The following PCDH15 variants were observed in gnomAD, a reference collection of about 807,000 sequenced individuals.
The protein encoded by PCDH15 is protocadherin related 15, also known as protocadherin-15.
PCDH15 carries 129 observed loss-of-function variants against 178.5 expected under a neutral mutation model. That is an observed-to-expected ratio of 0.72 (90% confidence interval 0.63 to 0.84). The LOEUF (loss-of-function observed/expected upper bound fraction) is 0.84, where lower values mean the gene tolerates loss of function less well. Ranked by LOEUF, PCDH15 falls within the 40% of genes least tolerant of loss-of-function variation. The probability of loss-of-function intolerance (pLI) is 0.00; values close to 1 mark genes in which losing one functional copy is unlikely to be tolerated. For missense variants in PCDH15, 2,230 were observed against 2,099.9 expected, an observed-to-expected ratio of 1.06 and a Z score of -1.21; for synonymous variants, 800 against 732.0, an observed-to-expected ratio of 1.09 and a Z score of -1.50.
intron 18 of PCDH15, among the ~76,000 whole-genome samples, chr10:54,047,674 G>A (rs1265473389): frequency 6.6e-6 from 1 of 151,810 alleles, no homozygotes; most frequent in Non-Finnish European, 1.5e-5. Context: ...GTGGTATTCG[G>A]TTTTCTGTCC....
intron 2 of PCDH15, among the ~76,000 whole-genome samples, chr10:55,533,067 TA>T (rs35937140): frequency 2.0e-5 from 3 of 151,780 alleles, no homozygotes; most frequent in Non-Finnish European, 2.9e-5. Context: ...TTTCAAAAAG[TA>T]AAACGTCCCT....
chr10:53,903,294 G>T lies in PCDH15; in HGVS notation c.3450C>A (p.Ile1150=), dbSNP rs146374856. 705 of 1,612,960 alleles carry T rather than the reference G, an allele frequency of 4.4e-4. 2 individuals carry two copies. Among genetic ancestry groups the T allele is most frequent in the Non-Finnish European group, 4.7e-4 (556 of 1,179,372 alleles). Residue 1150 remains isoleucine, a synonymous_variant, in exon 26 of 38, where the codon ATC becomes ATA. Coordinates refer to ENST00000644397, the MANE Select transcript of PCDH15 (RefSeq NM_001384140.1). ...TTCTTGCATCTTCAGATACACCTCC[G>T]ATGTAGAATTTTTTCTGAAACACTG... ...HPPVFQKKFY[I]GGVSEDARMF...
intron 1 of PCDH15, among the ~76,000 whole-genome samples, chr10:54,799,460 G>A (rs1952410529): frequency 6.6e-6 from 1 of 152,044 alleles, no homozygotes. Flanking sequence ...CCTAGAAAAT[G>A]AAATGTTTTA....
chr10:54,302,621 A>C (rs2060208643), intron 8 of PCDH15, among the ~76,000 whole-genome samples: 2 of 152,154 alleles, frequency 1.3e-5, no homozygotes, highest in Non-Finnish European at 2.9e-5. Flanking sequence ...GCCAACCTCC[A>C]GAACTGTCAG....
At chr10:55,222,730 C>T (rs867584576) in intron 1 of PCDH15, among the ~76,000 whole-genome samples, 38 of 121,148 alleles carry the variant, frequency 3.1e-4, no homozygotes, top group Admixed American at 4.9e-4. Context: ...CACACACACA[C>T]ATATATATAT....
At chr10:55,305,071 A>G (rs1017816941) in intron 1 of PCDH15, among the ~76,000 whole-genome samples, 5 of 152,184 alleles carry the variant, frequency 3.3e-5, no homozygotes. Flanking sequence ...CTGCTTCCAT[A>G]TTCCATCCAG....
At chr10:54,699,866 C>T (rs1190201292) in intron 1 of PCDH15, among the ~76,000 whole-genome samples, 1 of 151,912 alleles carries the variant, frequency 6.6e-6, no homozygotes, top group Non-Finnish European at 1.5e-5. Flanking sequence ...GTAAGTTATG[C>T]ATTGCATAGG....
intron 1 of PCDH15, among the ~76,000 whole-genome samples, chr10:55,274,274 G>A (rs961165902): frequency 1.1e-4 from 16 of 152,060 alleles, no homozygotes; most frequent in Non-Finnish European, 2.2e-4. Context: ...TATGATGCAT[G>A]GAATTAGCAG....
At chr10:53,969,501 C>T (rs2089434272) in intron 21 of PCDH15, among the ~76,000 whole-genome samples, 2 of 152,084 alleles carry the variant, frequency 1.3e-5, no homozygotes, top group Admixed American at 6.5e-5. Flanking sequence ...TCAGGAAATA[C>T]AGAGAACGCC....
chr10:54,008,379 G>A lies in PCDH15; in HGVS notation c.2751+11813C>T, dbSNP rs529602413. Among the ~76,000 whole-genome samples the A allele has an allele frequency of 6.6e-5, 10 of 152,198 alleles. No individual in the cohort carries two copies. The South Asian group carries it at 1.9e-3, about 28-fold the overall frequency. On this transcript the variant is annotated intron_variant, in intron 20 of 37. Transcript: ENST00000644397. ...ATCTTCCAGCTGCTGATGTAGAAGC[G>A]TTAAGTAATACCCCCATATTGAAAT...
At chr10:54,532,127 C>A (rs1257262693) in intron 2 of PCDH15, among the ~76,000 whole-genome samples, 1 of 152,146 alleles carries the variant, frequency 6.6e-6, no homozygotes, top group Non-Finnish European at 1.5e-5. Flanking sequence ...GCTTTCCTTA[C>A]AATCAATCTT....
At chr10:53,912,166 C>T (rs1294727984) in intron 25 of PCDH15, among the ~76,000 whole-genome samples, 3 of 152,108 alleles carry the variant, frequency 2.0e-5, no homozygotes, top group Non-Finnish European at 4.4e-5. Context: ...AAACGTAATC[C>T]ATCACATAAA....
rs947440979 is a variant in PCDH15, at chr10:54,516,344, C to T, written c.157+11468G>A. Reference sequence around the variant, plus strand: ...TTAGATGAATGTATAACTAGAATAACAAATGCAGAGAAGTGCTTAAAGGAG... The same window carrying T: ...TTAGATGAATGTATAACTAGAATAATAAATGCAGAGAAGTGCTTAAAGGAG... On this transcript the variant is annotated intron_variant, in intron 3 of 37. Coordinates refer to ENST00000644397, the MANE Select transcript of PCDH15 (RefSeq NM_001384140.1). 8.6e-5 allele frequency among the ~76,000 whole-genome samples: 13 copies of T among 151,984 alleles called. No individual in the cohort carries two copies. The East Asian group carries it at 2.5e-3, about 29-fold the overall frequency.
At chr10:54,549,306 C>G (rs544475556) in intron 2 of PCDH15, among the ~76,000 whole-genome samples, 5 of 151,800 alleles carry the variant, frequency 3.3e-5, no homozygotes, top group Admixed American at 3.3e-4. Context: ...GAAGTTAAGG[C>G]TATAAATTGC....
rs1421361624 is a variant in PCDH15, at chr10:53,822,373, AAGGAGGAGAGGG to A, written c.4368-2155_4368-2144del. The stretch of plus-strand genomic sequence containing the variant: ...GGAGGAGGAAGAGGAAGAGGGATAG[AAGGAGGAGAGGG>A]AGGAGGACAAAAAAGAGAAAAAGGA... On this transcript the variant is annotated intron_variant, in intron 32 of 37. Coordinates refer to ENST00000644397, the MANE Select transcript of PCDH15 (RefSeq NM_001384140.1). 6.4e-7 allele frequency: 1 copy of A among 1,574,640 alleles called. No homozygotes were observed. The highest frequency in any genetic ancestry group is 8.6e-7 in the Non-Finnish European group (1 of 1,159,216).
At chr10:55,482,736 AG>A (rs1840209865) in intron 2 of PCDH15, among the ~76,000 whole-genome samples, 1 of 151,656 alleles carries the variant, frequency 6.6e-6, no homozygotes, top group African/African-American at 2.4e-5. Context: ...CTTTCTCTCT[AG>A]CTGACCTTAA....
intron 2 of PCDH15, among the ~76,000 whole-genome samples, chr10:55,151,493 A>C (rs913228949): frequency 6.6e-6 from 1 of 151,908 alleles, no homozygotes; most frequent in Admixed American, 6.6e-5. Context: ...ACAAGAATGT[A>C]GATATTCATT....
At chr10:54,244,292 C>T (rs1674697199) in intron 8 of PCDH15, among the ~76,000 whole-genome samples, 4 of 152,132 alleles carry the variant, frequency 2.6e-5, no homozygotes. Context: ...TTTACTGATA[C>T]TTCCCTTATT....
At chr10:54,025,831 A>C (rs9702319) in intron 18 of PCDH15, among the ~76,000 whole-genome samples, 1 of 151,960 alleles carries the variant, frequency 6.6e-6, no homozygotes, top group East Asian at 1.9e-4. Flanking sequence ...AATGGTGGTC[A>C]AGCCCCTCAC....
Sources: allele counts gnomAD v4.1 joint callset (sites outside exome capture counted in the v4.1 genomes callset), GRCh38; gene constraint gnomAD v4.1.1; transcripts MANE v1.5; gene names NCBI Gene and HGNC (gene_info 2026-07-23, HGNC 2026-07-21).